The following CFAP47 variants were observed in gnomAD, a reference collection of about 807,000 sequenced individuals.
The protein encoded by CFAP47 is cilia and flagella associated protein 47.
Under a neutral mutation model 148.1 loss-of-function variants are expected in CFAP47, and 29 were observed. The ratio of observed to expected loss-of-function variants is 0.20; its 90% CI spans 0.15 to 0.27. The LOEUF is 0.27. CFAP47 is among the 10% of genes least tolerant of loss of function. The pLI, the probability that CFAP47 is intolerant of heterozygous loss-of-function variation, is 1.00. For synonymous variants in CFAP47, 664 were observed against 577.3 expected, an observed-to-expected ratio of 1.15 and a Z score of -2.15; for missense variants, 1,872 against 1,697.5, an observed-to-expected ratio of 1.10 and a Z score of -1.81.
chrX:36,020,464 T>C (rs1024385695), intron 22 of CFAP47, among the ~76,000 whole-genome samples: 1 of 111,907 alleles, frequency 8.9e-6, no homozygotes, highest in African/African-American at 3.2e-5. Flanking sequence ...TGCATTCAGA[T>C]CTATTTGTTT....
intron 53 of CFAP47, among the ~76,000 whole-genome samples, chrX:36,303,035 A>C (rs1192933871): frequency 8.9e-6 from 1 of 112,169 alleles, no homozygotes; most frequent in Non-Finnish European, 1.9e-5. Context: ...CATTACAGGC[A>C]TCATAAACTG....
At position 36,235,947 on chromosome X, in the gene CFAP47, A is replaced by T. The variant is rs781827483; in HGVS notation, c.7028A>T (p.Asn2343Ile). 2.0e-6 allele frequency: 1 copy of T among 490,771 alleles called. No homozygotes were observed. The highest frequency in any genetic ancestry group is 3.8e-5 in the East Asian group (1 of 26,665). The allele number at this position is 490,771 out of a possible 1,213,427, so 40.4% of individuals were successfully genotyped here. The change falls in exon 47 of 64, where the codon AAC becomes ATC. Residue 2343 changes from asparagine to isoleucine, a missense_variant. Coordinates refer to ENST00000378653, the MANE Select transcript of CFAP47 (RefSeq NM_001304548.2). ...TQNIPIKNQT[N>I]DKWTFQVTIE... is the part of the protein sequence containing the mutation. Reference sequence around the variant, plus strand: ...TTCATGCTTTAGAAAAATCAAACAAACGATAAATGGACCTTTCAAGTTACT... The same window carrying T: ...TTCATGCTTTAGAAAAATCAAACAATCGATAAATGGACCTTTCAAGTTACT...
In CFAP47 at chrX:36,082,477, T is replaced by A. The variant is rs147893308; in HGVS notation, c.4692-2837T>A. ...TATTCTTTTCAAGCTGGGTGAATTG[T>A]AGAAATAACATTTTCTATAAACACC... On this transcript the variant is annotated intron_variant, in intron 29 of 63. Transcript: ENST00000378653. Among the ~76,000 whole-genome samples the A allele has an allele frequency of 5.4e-3, 604 of 112,010 alleles. 6 individuals are homozygous for A. Among genetic ancestry groups the A allele is most frequent in the African/African-American group, 0.019 (579 of 30,855 alleles).
chrX:36,059,208 T>A (rs1191349471), intron 26 of CFAP47, among the ~76,000 whole-genome samples: 2 of 111,782 alleles, frequency 1.8e-5, no homozygotes, highest in African/African-American at 6.5e-5. Flanking sequence ...TCCTGAAATC[T>A]CCTAAGAGAT....
In CFAP47 at chrX:35,935,430, G is replaced by A. The variant is rs558309372; in HGVS notation, c.402-5853G>A. ...ACAGATTCTCTCTCCATGCCATGCT[G>A]CCACTGCTGGGGGTTGGGGAGGGTT... On this transcript the variant is annotated intron_variant, in intron 2 of 63. Transcript: ENST00000378653. Among the ~76,000 whole-genome samples, 4 of 111,658 alleles carry A rather than the reference G, an allele frequency of 3.6e-5. No individual in the cohort carries two copies. The South Asian group carries it at 1.5e-3, about 42-fold the overall frequency.
At chrX:36,142,902 C>A (rs1053029420) in intron 35 of CFAP47, among the ~76,000 whole-genome samples, 1 of 110,496 alleles carries the variant, frequency 9.1e-6, no homozygotes. Context: ...CTAGATAGCC[C>A]TCTTCGGATC....
chrX:36,108,286 G>A (rs1938497191), intron 33 of CFAP47, among the ~76,000 whole-genome samples: 1 of 110,630 alleles, frequency 9.0e-6, no homozygotes, highest in African/African-American at 3.3e-5. Flanking sequence ...GTGGTTTTAA[G>A]TTACTCTTCC....
At chrX:36,304,451 A>G (rs1316411644) in intron 54 of CFAP47, among the ~76,000 whole-genome samples, 6 of 111,047 alleles carry the variant, frequency 5.4e-5, no homozygotes, top group African/African-American at 1.3e-4. Flanking sequence ...TAATTTATCT[A>G]CAAAACAATA....
At chrX:36,194,780 A>C (rs1939902375) in intron 42 of CFAP47, among the ~76,000 whole-genome samples, 1 of 111,810 alleles carries the variant, frequency 8.9e-6, no homozygotes, top group African/African-American at 3.3e-5. Flanking sequence ...AAACCATTAG[A>C]AACCACCCCC....
At chrX:36,034,200 T>C (rs1285998539) in intron 23 of CFAP47, among the ~76,000 whole-genome samples, 2 of 111,883 alleles carry the variant, frequency 1.8e-5, no homozygotes, top group African/African-American at 6.5e-5. Context: ...CAGCATTTTT[T>C]GAAAATGTCT....
intron 21 of CFAP47, among the ~76,000 whole-genome samples, chrX:36,010,543 C>T (rs905927212): frequency 8.4e-5 from 9 of 107,429 alleles, no homozygotes; most frequent in South Asian, 4.2e-4. Flanking sequence ...CTGCAAGCTC[C>T]GCCTCCCGGG....
chrX:36,307,269 G>A (rs1556009034), intron 55 of CFAP47, among the ~76,000 whole-genome samples: 1 of 111,399 alleles, frequency 9.0e-6, no homozygotes, highest in Admixed American at 9.6e-5. Flanking sequence ...CATCTGAACA[G>A]TGTTCCTAAA....
intron 2 of CFAP47, among the ~76,000 whole-genome samples, chrX:35,930,979 A>T: frequency 9.0e-6 from 1 of 111,016 alleles, no homozygotes; most frequent in East Asian, 2.8e-4. Context: ...GATTTGAATT[A>T]ATATTGCTCT....
chrX:36,063,241 G>T (rs1313834866), intron 26 of CFAP47, among the ~76,000 whole-genome samples: 2 of 111,491 alleles, frequency 1.8e-5, no homozygotes, highest in Non-Finnish European at 3.8e-5. Context: ...CATTGGCATA[G>T]GGAATTCATA....
intron 45 of CFAP47, among the ~76,000 whole-genome samples, chrX:36,206,734 T>G (rs1940043228): frequency 8.9e-6 from 1 of 112,191 alleles, no homozygotes; most frequent in Non-Finnish European, 1.9e-5. Context: ...TTATCTACAT[T>G]TAAAAATCTG....
rs763082046 is a variant in CFAP47 at position 36,108,122 on chromosome X, C to T, written c.5320+3431C>T. Among the ~76,000 whole-genome samples, 24 of 111,644 alleles carry T rather than the reference C, an allele frequency of 2.1e-4. No homozygotes were observed. In the South Asian group the frequency reaches 8.7e-3, roughly 41 times the overall value. ...TTTTCCTCAGATTTCCTGTCTTGCCCTTGTATGCTAGCTAAAGCATTTTGG... is the reference window on the plus strand; with the variant it reads ...TTTTCCTCAGATTTCCTGTCTTGCCTTTGTATGCTAGCTAAAGCATTTTGG... On this transcript the variant is annotated intron_variant, in intron 33 of 63. Coordinates refer to ENST00000378653, the MANE Select transcript of CFAP47 (RefSeq NM_001304548.2).
intron 22 of CFAP47, among the ~76,000 whole-genome samples, chrX:36,016,842 T>C (rs1937102413): frequency 9.2e-6 from 1 of 109,162 alleles, no homozygotes; most frequent in Admixed American, 9.9e-5. Context: ...TGTTTTTGCC[T>C]ATCTTTTGGA....
intron 63 of CFAP47, among the ~76,000 whole-genome samples, chrX:36,384,197 C>T (rs782513649): frequency 7.3e-5 from 8 of 109,971 alleles, no homozygotes; most frequent in Non-Finnish European, 1.3e-4. Flanking sequence ...AAAAATTAGC[C>T]GGGTGTCGTG....
At chrX:35,923,645 C>A (rs1935613514) in intron 1 of CFAP47, among the ~76,000 whole-genome samples, 2 of 108,842 alleles carry the variant, frequency 1.8e-5, no homozygotes, top group Non-Finnish European at 3.8e-5. Context: ...CATGGTGAAA[C>A]CCCGTCTCTA....
Sources: allele counts gnomAD v4.1 joint callset (sites outside exome capture counted in the v4.1 genomes callset), GRCh38; gene constraint gnomAD v4.1.1; transcripts MANE v1.5; gene names NCBI Gene and HGNC (gene_info 2026-07-23, HGNC 2026-07-21).